The following KLF12 variants were observed in gnomAD, a reference collection of about 807,000 sequenced individuals.
KLF12 encodes KLF transcription factor 12.
KLF12 carries 9 observed loss-of-function variants against 37.8 expected under a neutral mutation model. The ratio of observed to expected loss-of-function variants is 0.24; its 90% CI spans 0.14 to 0.42. KLF12 has a LOEUF of 0.42. KLF12 is among the 10% of genes least tolerant of loss of function. The pLI is 1.00. For missense variants in KLF12, 411 were observed against 516.0 expected (o/e 0.80, Z 1.97); for synonymous variants, 208 against 202.1 (o/e 1.03, Z -0.25).
chr13:73,733,085 G>A (rs948619482), intron 6 of KLF12, among the ~76,000 whole-genome samples: 8 of 152,002 alleles, frequency 5.3e-5, no homozygotes, highest in Non-Finnish European at 4.4e-5. Flanking sequence ...GGATCTAACT[G>A]GAATCCCTGC....
intron 5 of KLF12, among the ~76,000 whole-genome samples, chr13:73,782,589 C>A (rs947301502): frequency 6.6e-6 from 1 of 152,108 alleles, no homozygotes; most frequent in Non-Finnish European, 1.5e-5. Flanking sequence ...TGTTAAATAA[C>A]CCGACAAACT....
intron 1 of KLF12, among the ~76,000 whole-genome samples, chr13:74,050,389 T>G (rs536505619): frequency 1.3e-5 from 2 of 152,310 alleles, no homozygotes; most frequent in East Asian, 3.9e-4. Flanking sequence ...AAGGATGATA[T>G]GCTTAGCAAA....
chr13:73,867,450 T>C (rs1886232974), intron 3 of KLF12, among the ~76,000 whole-genome samples: 1 of 151,904 alleles, frequency 6.6e-6, no homozygotes, highest in South Asian at 2.1e-4. Context: ...ATATGACATA[T>C]ATATGTCAAT....
At chr13:74,247,823 C>T in the KLF12 span, among the ~76,000 whole-genome samples, 1 of 151,940 alleles carries the variant, frequency 6.6e-6, no homozygotes, top group Non-Finnish European at 1.5e-5. Context: ...TGAGATGTAA[C>T]AGTGACCAAA....
At chr13:74,102,296 T>C (rs1016010106) in intron 1 of KLF12, among the ~76,000 whole-genome samples, 3 of 152,038 alleles carry the variant, frequency 2.0e-5, no homozygotes, top group Admixed American at 2.0e-4. Flanking sequence ...GGTGTAATCT[T>C]AACACTAAGT....
At chr13:73,977,930 A>T (rs553950269) in intron 2 of KLF12, among the ~76,000 whole-genome samples, 9 of 152,352 alleles carry the variant, frequency 5.9e-5, no homozygotes, top group African/African-American at 1.9e-4. Context: ...CAAAAAACTA[A>T]ATCTAGCCAC....
intron 3 of KLF12, among the ~76,000 whole-genome samples, chr13:73,850,833 T>C (rs1885298700): frequency 6.6e-6 from 1 of 152,260 alleles, no homozygotes; most frequent in East Asian, 1.9e-4. Context: ...AATAATTTCA[T>C]GGCAATTTTT....
chr13:74,091,652 G>C (rs1036408497), intron 1 of KLF12, among the ~76,000 whole-genome samples: 1 of 151,868 alleles, frequency 6.6e-6, no homozygotes, highest in African/African-American at 2.4e-5. Flanking sequence ...GTGGTTGCCA[G>C]GATTAGGGAG....
At chr13:73,881,170 CAT>C (rs540939998) in intron 3 of KLF12, among the ~76,000 whole-genome samples, 1 of 151,874 alleles carries the variant, frequency 6.6e-6, no homozygotes, top group Non-Finnish European at 1.5e-5. Flanking sequence ...TTTTATAAGT[CAT>C]ATATATATAA....
intron 3 of KLF12, among the ~76,000 whole-genome samples, chr13:73,863,455 C>T (rs1886027883): frequency 6.6e-6 from 1 of 152,102 alleles, no homozygotes; most frequent in South Asian, 2.1e-4. Flanking sequence ...AATATTAGCA[C>T]TCCCTACATA....
At chr13:74,159,003 G>A in the KLF12 span, among the ~76,000 whole-genome samples, 1 of 152,190 alleles carries the variant, frequency 6.6e-6, no homozygotes, top group African/African-American at 2.4e-5. Flanking sequence ...GCTAGTCAGA[G>A]GGACTGGAAA....
At chr13:74,211,990 A>G in the KLF12 span, among the ~76,000 whole-genome samples, 2 of 152,124 alleles carry the variant, frequency 1.3e-5, no homozygotes, top group East Asian at 1.9e-4. Flanking sequence ...TTTTTTTTAC[A>G]TATACCACAT....
At chr13:73,937,325 T>A (rs548075050) in intron 3 of KLF12, among the ~76,000 whole-genome samples, 1 of 152,160 alleles carries the variant, frequency 6.6e-6, no homozygotes, top group Admixed American at 6.5e-5. Flanking sequence ...TTTAAAAAAA[T>A]TCTTCCACAA....
intron 1 of KLF12, among the ~76,000 whole-genome samples, chr13:74,110,875 G>A (rs569269061): frequency 1.2e-4 from 19 of 152,158 alleles, no homozygotes; most frequent in Non-Finnish European, 2.8e-4. Flanking sequence ...TTCTAGTTGT[G>A]TATTTGAAAT....
At chr13:73,916,736 A>G in intron 3 of KLF12, among the ~76,000 whole-genome samples, 1 of 152,150 alleles carries the variant, frequency 6.6e-6, no homozygotes, top group Non-Finnish European at 1.5e-5. Context: ...TGATGTATGG[A>G]GTGAGAAGGT....
chr13:73,750,746 G>A (rs548984838), intron 6 of KLF12, among the ~76,000 whole-genome samples: 3 of 152,062 alleles, frequency 2.0e-5, no homozygotes, highest in Non-Finnish European at 2.9e-5. Context: ...TAGGTATTAC[G>A]CCCAGAATGC....
intron 1 of KLF12, among the ~76,000 whole-genome samples, chr13:74,083,578 A>C (rs1875071403): frequency 6.6e-6 from 1 of 151,804 alleles, no homozygotes; most frequent in African/African-American, 2.4e-5. Flanking sequence ...AACTCTAAGT[A>C]CTCTAGGAGA....
intron 3 of KLF12, among the ~76,000 whole-genome samples, chr13:73,918,074 A>C (rs1888928957): frequency 6.6e-6 from 1 of 152,028 alleles, no homozygotes; most frequent in Non-Finnish European, 1.5e-5. Flanking sequence ...ATATACACCA[A>C]CATCTACACA....
At chr13:73,748,384 T>C (rs1042038394) in intron 6 of KLF12, among the ~76,000 whole-genome samples, 1 of 152,208 alleles carries the variant, frequency 6.6e-6, no homozygotes, top group Non-Finnish European at 1.5e-5. Flanking sequence ...GTTGAAGCCA[T>C]AATCCTCAAT....
Sources: allele counts gnomAD v4.1 joint callset (sites outside exome capture counted in the v4.1 genomes callset), GRCh38; gene constraint gnomAD v4.1.1; transcripts MANE v1.5; gene names NCBI Gene and HGNC (gene_info 2026-07-23, HGNC 2026-07-21).